Variants in MACF1 observed in about 807,000 individuals in gnomAD.
MACF1 encodes the protein microtubule-actin cross-linking factor 1.
A neutral mutation model predicts 854.8 loss-of-function variants in MACF1; 193 were observed. The observed-to-expected ratio is 0.23, with a 90% CI of 0.20 to 0.25. MACF1 has a LOEUF of 0.25. Ranked by LOEUF, MACF1 falls within the 10% of genes least tolerant of loss-of-function variation. The pLI is 1.00. For synonymous variants in MACF1, 3,185 were observed against 3,226.7 expected (o/e 0.99, Z 0.44); for missense variants, 7,722 against 8,929.1 (o/e 0.86, Z 5.45).
chr1:39,275,927 T>C (rs1474224488), intron 6 of MACF1, among the ~76,000 whole-genome samples: 2 of 122,404 alleles, frequency 1.6e-5, no homozygotes, highest in African/African-American at 6.7e-5. Flanking sequence ...TTCTTCTTCT[T>C]TTTTTTTTTT....
At position 39,422,824 on chromosome 1, in the gene MACF1, C is replaced by G; in HGVS notation, c.16073C>G (p.Thr5358Ser). 6.2e-7 allele frequency: 1 copy of G among 1,614,128 alleles called. No homozygotes were observed. Among genetic ancestry groups the G allele is most frequent in the Non-Finnish European group, 8.5e-7 (1 of 1,180,002 alleles). The stretch of plus-strand genomic sequence containing the variant: ...CCATTGCTCAGCTGGTTGGCAGATA[C>G]CGAGGAGCTCATAGCCAATCAGAAA... Reference protein sequence around the residue: ...LEPLLSWLADTEELIANQKPP... With the variant: ...LEPLLSWLADSEELIANQKPP... The change falls in exon 60 of 101, where the codon ACC becomes AGC. Residue 5358 changes from threonine (T) to serine (S), a missense_variant. By Grantham distance (58) the Thr-to-Ser change is moderately conservative (BLOSUM62 1). Around this residue, in one of 15 missense-constraint regions of MACF1, gnomAD observed 2,807 missense variants for 3,235.8 expected, o/e 0.87. Coordinates refer to ENST00000564288, the MANE Select transcript of MACF1 (RefSeq NM_001394062.1).
At chr1:39,176,226 C>G (rs1226585022) in intron 2 of MACF1, among the ~76,000 whole-genome samples, 2 of 148,886 alleles carry the variant, frequency 1.3e-5, no homozygotes, top group East Asian at 3.9e-4. Context: ...TGCAGTGAGC[C>G]GAGATCACAC....
intron 2 of MACF1, among the ~76,000 whole-genome samples, chr1:39,145,864 A>G (rs1643451738): frequency 6.6e-6 from 1 of 152,176 alleles, no homozygotes; most frequent in African/African-American, 2.4e-5. Context: ...CCCAGGTCCA[A>G]ACTTGTATTT....
intron 2 of MACF1, among the ~76,000 whole-genome samples, chr1:39,116,323 A>G (rs769978328): frequency 5.9e-5 from 9 of 152,090 alleles, no homozygotes; most frequent in Non-Finnish European, 8.8e-5. Context: ...TACTCTCTCT[A>G]TGAAGTAGGA....
intron 2 of MACF1, among the ~76,000 whole-genome samples, chr1:39,145,679 G>A (rs929042813): frequency 6.6e-6 from 1 of 152,056 alleles, no homozygotes; most frequent in East Asian, 1.9e-4. Flanking sequence ...TTGTTCTCAC[G>A]CTGTTTCATC....
intron 28 of MACF1, 41 bp from the exon 29 acceptor site, chr1:39,317,172 AT>A: frequency 6.3e-7 from 1 of 1,588,392 alleles, no homozygotes; most frequent in Non-Finnish European, 8.6e-7. Flanking sequence ...CCTTTTTAGC[AT>A]GGAAAGTATA....
intron 58 of MACF1, among the ~76,000 whole-genome samples, chr1:39,391,339 T>C (rs903594223): frequency 2.6e-5 from 4 of 152,210 alleles, no homozygotes; most frequent in Non-Finnish European, 5.9e-5. Context: ...CCCAAATTAC[T>C]GTGCACTTTG....
intron 56 of MACF1, among the ~76,000 whole-genome samples, chr1:39,384,220 G>A (rs1046481856): frequency 4.6e-5 from 7 of 151,936 alleles, no homozygotes; most frequent in African/African-American, 1.7e-4. Context: ...CATCCCCAGC[G>A]GAATTAGCCA....
rs187016855 is a variant in MACF1, at chr1:39,400,261, G to A, written c.15816+11603G>A. Among the ~76,000 whole-genome samples the A allele has an allele frequency of 2.4e-4, 36 of 152,230 alleles. 1 individual carries two copies. The highest frequency in any genetic ancestry group is 8.7e-4 in the African/African-American group (36 of 41,526). ...CCTGGCTCTATCATTTACTAGCTGA[G>A]TGACCTTCAGGGAAATTACTTAACC... On this transcript the variant is annotated intron_variant, in intron 58 of 100. Coordinates refer to ENST00000564288, the MANE Select transcript of MACF1 (RefSeq NM_001394062.1).
chr1:39,363,604 C>CTTTTTT (rs1553308665), intron 49 of MACF1, among the ~76,000 whole-genome samples: 1 of 136,104 alleles, frequency 7.3e-6, no homozygotes. Context: ...TTCTTTCTTT[C>CTTTTTT]TTTTTTTTTT....
At chr1:39,229,812 C>T (rs1466060240) in intron 1 of MACF1, among the ~76,000 whole-genome samples, 1 of 152,192 alleles carries the variant, frequency 6.6e-6, no homozygotes, top group Non-Finnish European at 1.5e-5. Flanking sequence ...TCACGGCTCA[C>T]TGCAACGTCC....
chr1:39,339,308 A>C (rs1032340914), intron 38 of MACF1, among the ~76,000 whole-genome samples: 1 of 152,192 alleles, frequency 6.6e-6, no homozygotes, highest in Non-Finnish European at 1.5e-5. Context: ...AGGACCAACA[A>C]AGAAACAACA....
Position 39,317,276 on chromosome 1 carries a change from C to T in MACF1, c.3651C>T (p.Ala1217=). 6.2e-7 allele frequency: 1 copy of T among 1,614,002 alleles called. No homozygotes were observed. Among genetic ancestry groups the T allele is most frequent in the South Asian group, 1.1e-5 (1 of 91,064 alleles). Residue 1217 remains alanine (A), a synonymous_variant, in exon 29 of 101, where the codon GCC becomes GCT. Coordinates refer to ENST00000564288, the MANE Select transcript of MACF1 (RefSeq NM_001394062.1). ...TTTCAGTCCTGGATGAGGAAATTGC[C>T]AAGGCCAAGGTAGTGGCAGAGCAGA... The part of the protein sequence containing the change: ...SVFSVLDEEI[A]KAKVVAEQMS...
In MACF1 at chr1:39,319,852, T is replaced by C. The variant is rs550670150; in HGVS notation, c.4029+105T>C. On this transcript the variant is annotated intron_variant, in intron 31 of 100. Transcript: ENST00000564288. ...CTAGACAAATTAAGCAGAGTTCTTA[T>C]GCTACAAGCTGGCCTGATCCTTCAG... 2.2e-5 allele frequency: 17 copies of C among 768,158 alleles called. No individual in the cohort carries two copies. The South Asian group carries it at 2.7e-4, about 12-fold the overall frequency. 47.6% of individuals were successfully genotyped at this position (768,158 alleles called of 1,614,324 possible).
Position 39,429,999 on chromosome 1 carries a change from G to C in MACF1, c.17061G>C (p.Glu5687Asp), listed in dbSNP as rs775423378. 6.2e-7 allele frequency: 1 copy of C among 1,613,928 alleles called. No individual in the cohort carries two copies. The highest frequency in any genetic ancestry group is 1.1e-5 in the South Asian group (1 of 91,068). The change falls in exon 65 of 101, where the codon GAG becomes GAC. Residue 5687 changes from glutamate (E) to aspartate (D), a missense_variant. By Grantham distance (45) the Glu-to-Asp change is conservative (BLOSUM62 2). Coordinates refer to ENST00000564288, the MANE Select transcript of MACF1 (RefSeq NM_001394062.1). ...CCGGGTGGCTGAGGGAGGTGGAGGA[G>C]GAGCTGGCAACCAGTGGAGGACAGT... is the stretch of plus-strand genomic sequence containing the variant. The part of the protein sequence containing the change: ...ELTGWLREVE[E>D]ELATSGGQSP...
intron 2 of MACF1, among the ~76,000 whole-genome samples, chr1:39,166,226 C>T (rs1643880808): frequency 6.6e-6 from 1 of 151,836 alleles, no homozygotes; most frequent in African/African-American, 2.4e-5. Flanking sequence ...TGCCACCATG[C>T]TGGTCTAATT....
intron 15 of MACF1, among the ~76,000 whole-genome samples, chr1:39,289,604 G>GAGTT (rs1645727055): frequency 6.8e-6 from 1 of 146,854 alleles, no homozygotes; most frequent in Non-Finnish European, 1.5e-5. Context: ...TTTTCCAGTA[G>GAGTT]AGTTGTTTGA....
chr1:39,454,807 A>G, intron 88 of MACF1, 102 bp from the exon 89 acceptor site: 2 of 1,064,036 alleles, frequency 1.9e-6, no homozygotes, highest in Non-Finnish European at 2.7e-6. Flanking sequence ...CTCCAAAAAA[A>G]TAAAATAAAA....
chr1:39,300,871 A>G (rs565540997), intron 22 of MACF1, among the ~76,000 whole-genome samples: 6 of 152,148 alleles, frequency 3.9e-5, no homozygotes, highest in Non-Finnish European at 7.3e-5. Context: ...TGCAAAATAT[A>G]CAAAAATTAG....
Sources: allele counts gnomAD v4.1 joint callset (sites outside exome capture counted in the v4.1 genomes callset), GRCh38; gene constraint gnomAD v4.1.1; regional missense constraint gnomAD v4.1.1; transcripts MANE v1.5; gene names NCBI Gene and HGNC (gene_info 2026-07-23, HGNC 2026-07-21).